The following BIN2 variants were observed in gnomAD, a reference collection of about 807,000 sequenced individuals.
BIN2 encodes the protein breast cancer associated protein BRAP1.
Under a neutral mutation model 67.9 loss-of-function variants are expected in BIN2, and 43 were observed. That is an observed-to-expected ratio of 0.63 (90% CI 0.50 to 0.82). The LOEUF is 0.82. BIN2 is among the 40% of genes least tolerant of loss of function. The pLI, the probability that BIN2 is intolerant of heterozygous loss-of-function variation, is 0.00. For synonymous variants in BIN2, 244 were observed against 246.8 expected, an observed-to-expected ratio of 0.99 and a Z score of 0.11; for missense variants, 581 against 671.6, an observed-to-expected ratio of 0.87 and a Z score of 1.49.
At chr12:51,298,076 C>CA (rs1945618456) in intron 7 of BIN2, among the ~76,000 whole-genome samples, 1 of 150,376 alleles carries the variant, frequency 6.6e-6, no homozygotes, top group Non-Finnish European at 1.5e-5. Context: ...TGAAACCTGT[C>CA]AAAAAATACA....
At chr12:51,283,683 C>A (rs1039654341) in intron 12 of BIN2, among the ~76,000 whole-genome samples, 3 of 152,046 alleles carry the variant, frequency 2.0e-5, no homozygotes, top group African/African-American at 7.2e-5. Flanking sequence ...ATAAAGCTTA[C>A]AGAATAAGGA....
chr12:51,323,106 G>A (rs1946329350), intron 1 of BIN2: 1 of 152,096 alleles, frequency 6.6e-6, no homozygotes, highest in Admixed American at 6.6e-5. Context: ...AAGAGAGAGA[G>A]AAAAAAAGGA....
rs199543314 is a variant in BIN2, at chr12:51,284,719, T to C, written c.1665A>G (p.Glu555=). ...TTCTCTGTATATCTGGTCTTACCTC[T>C]TCTTGAGGTTCAGGTGCTGTGAGGT... The part of the protein sequence containing the change: ...NNNLTAPEPQ[E]EVSTSENPQL Residue 555 remains glutamate (E), a synonymous_variant, in exon 12 of 13, where the codon GAA becomes GAG. Transcript: ENST00000615107. 1 of 1,607,424 alleles carries C rather than the reference T, an allele frequency of 6.2e-7. No homozygotes were observed. Among genetic ancestry groups the C allele is most frequent in the South Asian group, 1.1e-5 (1 of 90,912 alleles).
intron 2 of BIN2, among the ~76,000 whole-genome samples, chr12:51,308,044 T>G (rs1211053128): frequency 4.6e-5 from 7 of 152,076 alleles, no homozygotes; most frequent in Admixed American, 3.3e-4. Flanking sequence ...GGTAGTGGTA[T>G]GGAGTGGGGA....
chr12:51,286,747 A>G (rs1343971401), intron 11 of BIN2, among the ~76,000 whole-genome samples: 3 of 152,188 alleles, frequency 2.0e-5, no homozygotes, highest in Non-Finnish European at 2.9e-5. Context: ...TTCACTCTCC[A>G]CATGTCCTGC....
At chr12:51,302,983 T>C (rs1945769683) in intron 3 of BIN2, 104 bp downstream of exon 3, 13 of 1,370,300 alleles carry the variant, frequency 9.5e-6, no homozygotes, top group Non-Finnish European at 1.2e-5. Context: ...AGTAGTCAAA[T>C]GATAAAATGA....
intron 2 of BIN2, among the ~76,000 whole-genome samples, chr12:51,309,868 AAAGGGAC>A: frequency 6.6e-6 from 1 of 152,186 alleles, no homozygotes; most frequent in East Asian, 1.9e-4. Context: ...GAGAGAGGAC[AAAGGGAC>A]AGAATGGGCC....
At chr12:51,291,523 C>A in intron 10 of BIN2, 68 bp downstream of exon 10, 1 of 1,460,572 alleles carries the variant, frequency 6.8e-7, no homozygotes, top group Non-Finnish European at 9.2e-7. Flanking sequence ...AGCCTGGACG[C>A]CTGAGTGAGA....
chr12:51,314,022 T>G lies in BIN2; in HGVS notation c.82-119A>C, dbSNP rs1025252993. On this transcript the variant is annotated intron_variant, in intron 1 of 12. Transcript: ENST00000615107. ...CTTACAACTCAAGGGCTGTACTTAT[T>G]TATTTATTTATTTATTTATTTATTT... 1.3e-3 allele frequency: 60 copies of G among 47,318 alleles called. No homozygotes were observed. In the African/African-American group the frequency reaches 0.013, roughly 10 times the overall value. 2.9% of individuals were successfully genotyped at this position (47,318 alleles called of 1,614,324 possible).
Position 51,299,224 on chromosome 12 carries a change from T to C in BIN2, c.581A>G (p.Glu194Gly). 6.2e-7 allele frequency: 1 copy of C among 1,613,386 alleles called. No homozygotes were observed. Among genetic ancestry groups the C allele is most frequent in the African/African-American group, 1.3e-5 (1 of 75,038 alleles). The change falls in exon 7 of 13, where the codon GAG becomes GGG. Residue 194 changes from glutamate (E) to glycine (G), a missense_variant. By Grantham distance (98) the Glu-to-Gly change is moderately conservative. Transcript: ENST00000615107. ...FEDLNQELLE[E>G]LPILYNSRIG... ...TTACCTATTATAAAGAATAGGCAGC[T>C]CCTCTAGTAGTTCTTGGTTCAGATC...
At chr12:51,318,420 C>G (rs1946187014) in intron 1 of BIN2, among the ~76,000 whole-genome samples, 1 of 152,154 alleles carries the variant, frequency 6.6e-6, no homozygotes, top group Non-Finnish European at 1.5e-5. Flanking sequence ...CACCACCACG[C>G]CTGGCGAATT....
upstream of BIN2, chr12:51,324,570 G>T: frequency 6.7e-7 from 1 of 1,502,042 alleles, no homozygotes; most frequent in East Asian, 2.5e-5. Context: ...CATGTACACT[G>T]CGTTTCTTGC....
intron 1 of BIN2, among the ~76,000 whole-genome samples, chr12:51,320,689 T>G (rs938146818): frequency 6.6e-6 from 1 of 151,386 alleles, no homozygotes; most frequent in Admixed American, 6.6e-5. Flanking sequence ...CAAGAATGTC[T>G]CTTACCCCTA....
chr12:51,323,606 G>GGGGAAATTGCCCTCTAT lies in BIN2; in HGVS notation c.81+399_81+415dup, dbSNP rs1354666725. On this transcript the variant is annotated intron_variant, in intron 1 of 12. Transcript: ENST00000615107. ...TGGCATCCGCTGCATCGCTGTTTTTGGGGAAATTGCCCTCTATGGAAAATT... is the reference window on the plus strand; with the variant it reads ...TGGCATCCGCTGCATCGCTGTTTTTGGGGAAATTGCCCTCTATGGGAAATTGCCCTCTATGGAAAATT... Among the ~76,000 whole-genome samples, 81 of 152,260 alleles carry GGGGAAATTGCCCTCTAT rather than the reference G, an allele frequency of 5.3e-4. 1 individual carries two copies. Among genetic ancestry groups the GGGGAAATTGCCCTCTAT allele is most frequent in the African/African-American group, 1.8e-3 (76 of 41,552 alleles).
At chr12:51,303,542 A>G (rs1022085997) in intron 2 of BIN2, among the ~76,000 whole-genome samples, 1 of 152,036 alleles carries the variant, frequency 6.6e-6, no homozygotes, top group Non-Finnish European at 1.5e-5. Flanking sequence ...TCACACAGAC[A>G]TTCCTCTCCT....
At chr12:51,297,711 G>T (rs1021977552) in intron 7 of BIN2, among the ~76,000 whole-genome samples, 1 of 152,190 alleles carries the variant, frequency 6.6e-6, no homozygotes, top group Non-Finnish European at 1.5e-5. Flanking sequence ...TGACACCAAA[G>T]TTTAACAGTT....
At chr12:51,290,248 C>T (rs1477417527) in intron 10 of BIN2, among the ~76,000 whole-genome samples, 1 of 151,702 alleles carries the variant, frequency 6.6e-6, no homozygotes, top group Non-Finnish European at 1.5e-5. Flanking sequence ...GTGCCTCAGG[C>T]CTTCCAAGTA....
At chr12:51,321,361 C>T (rs1226008401) in intron 1 of BIN2, among the ~76,000 whole-genome samples, 3 of 151,532 alleles carry the variant, frequency 2.0e-5, no homozygotes, top group Non-Finnish European at 2.9e-5. Context: ...GAGATGACAT[C>T]GGTAGAATGT....
intron 5 of BIN2, among the ~76,000 whole-genome samples, chr12:51,301,602 C>T (rs1945726647): frequency 6.6e-6 from 1 of 152,086 alleles, no homozygotes; most frequent in Admixed American, 6.6e-5. Flanking sequence ...TCTCCCTCCC[C>T]AGCTGAAGTG....
Sources: allele counts gnomAD v4.1 joint callset (sites outside exome capture counted in the v4.1 genomes callset), GRCh38; gene constraint gnomAD v4.1.1; transcripts MANE v1.5; gene names NCBI Gene and HGNC (gene_info 2026-07-23, HGNC 2026-07-21).